EXOC6B: variants seen among roughly 807,000 people sequenced by gnomAD.
EXOC6B encodes the protein exocyst complex component 6B, also known as SEC15 homolog B.
Under a neutral mutation model 113.5 loss-of-function variants are expected in EXOC6B, and 54 were observed. That is an observed-to-expected ratio of 0.48 (90% CI 0.38 to 0.60). The LOEUF (loss-of-function observed/expected upper bound fraction) is 0.60, where lower values mean the gene tolerates loss of function less well. EXOC6B is among the 20% of genes least tolerant of loss of function. The probability of loss-of-function intolerance (pLI) is 0.00; values close to 1 mark genes in which losing one functional copy is unlikely to be tolerated. For missense variants in EXOC6B, 797 were observed against 977.5 expected, an observed-to-expected ratio of 0.82 and a Z score of 2.46; for synonymous variants, 357 against 339.0, an observed-to-expected ratio of 1.05 and a Z score of -0.58.
In EXOC6B at chr2:72,178,048, C is replaced by T. The variant is rs1445403178; in HGVS notation, c.*1287G>A. The T allele has an allele frequency of 6.6e-6, 1 of 152,098 alleles. No individual in the cohort carries two copies. Among genetic ancestry groups the T allele is most frequent in the Non-Finnish European group, 1.5e-5 (1 of 68,028 alleles). 9.4% of individuals were successfully genotyped at this position (152,098 alleles called of 1,614,324 possible). ...GCTCCAGGCTTTAGAGTTTGGAGGA[C>T]AGGATTATAGGCAATCTTTCTTAGA... On this transcript the variant is annotated 3_prime_UTR_variant, in exon 22 of 22. Transcript: ENST00000272427.
At chr2:72,359,926 G>T (rs540594749) in intron 19 of EXOC6B, among the ~76,000 whole-genome samples, 4 of 151,990 alleles carry the variant, frequency 2.6e-5, no homozygotes, top group Non-Finnish European at 4.4e-5. Flanking sequence ...TCTCTTGCTG[G>T]TTCTCTTGCC....
intron 6 of EXOC6B, among the ~76,000 whole-genome samples, chr2:72,688,685 G>C (rs1212540425): frequency 1.3e-5 from 2 of 152,142 alleles, no homozygotes; most frequent in Non-Finnish European, 2.9e-5. Context: ...AGAACTAAAG[G>C]GATATGAACA....
intron 18 of EXOC6B, among the ~76,000 whole-genome samples, chr2:72,409,886 T>C (rs546881336): frequency 2.0e-5 from 3 of 151,946 alleles, no homozygotes; most frequent in African/African-American, 7.2e-5. Context: ...TATATATGTA[T>C]ACCAATAAAA....
intron 6 of EXOC6B, among the ~76,000 whole-genome samples, chr2:72,608,099 T>C (rs1377050947): frequency 6.6e-6 from 1 of 152,060 alleles, no homozygotes; most frequent in Non-Finnish European, 1.5e-5. Context: ...TGCTAATAAA[T>C]AAAAACAGAA....
chr2:72,317,559 TCACACACACACACACA>T (rs72124979), intron 20 of EXOC6B, among the ~76,000 whole-genome samples: 2 of 140,598 alleles, frequency 1.4e-5, no homozygotes, highest in Non-Finnish European at 3.2e-5. Flanking sequence ...TATGAACACA[TCACACACACACACACA>T]CACACACACA....
At chr2:72,229,643 A>G (rs2104460624) in intron 20 of EXOC6B, among the ~76,000 whole-genome samples, 1 of 152,314 alleles carries the variant, frequency 6.6e-6, no homozygotes, top group South Asian at 2.1e-4. Context: ...TTTTCATTCT[A>G]TTATAGTTAT....
At chr2:72,376,012 G>A (rs774974425) in intron 19 of EXOC6B, among the ~76,000 whole-genome samples, 4 of 152,078 alleles carry the variant, frequency 2.6e-5, no homozygotes, top group South Asian at 2.1e-4. Flanking sequence ...GGCCACTTCT[G>A]CCACATTCTG....
chr2:72,521,853 C>T (rs1701505649), intron 8 of EXOC6B, among the ~76,000 whole-genome samples: 1 of 152,054 alleles, frequency 6.6e-6, no homozygotes, highest in Non-Finnish European at 1.5e-5. Context: ...CATGCCACCA[C>T]GCCCGGCTAA....
Position 72,755,245 on chromosome 2 carries a change from G to C in EXOC6B, c.114-13776C>G, listed in dbSNP as rs546017189. Among the ~76,000 whole-genome samples, 19 of 152,266 alleles carry C rather than the reference G, an allele frequency of 1.2e-4. No individual in the cohort carries two copies. In the East Asian group the frequency reaches 3.7e-3, roughly 29 times the overall value. On this transcript the variant is annotated intron_variant, in intron 1 of 21. Coordinates refer to ENST00000272427, the MANE Select transcript of EXOC6B (RefSeq NM_015189.3). ...ACATTAGGATAATGGGCCTAGAAAT[G>C]AATGGGCACCACTACTAATGATATT...
chr2:72,726,735 T>C (rs1680320097), intron 5 of EXOC6B, among the ~76,000 whole-genome samples: 1 of 152,130 alleles, frequency 6.6e-6, no homozygotes, highest in African/African-American at 2.4e-5. Context: ...TTGCATTGTG[T>C]GTGATTTGGT....
intron 2 of EXOC6B, among the ~76,000 whole-genome samples, chr2:72,733,536 C>T (rs1474779513): frequency 6.6e-6 from 1 of 151,992 alleles, no homozygotes; most frequent in Non-Finnish European, 1.5e-5. Context: ...TCAAAGTTTC[C>T]CTGTTTGCTT....
intron 7 of EXOC6B, among the ~76,000 whole-genome samples, chr2:72,562,004 T>C (rs962469475): frequency 2.6e-5 from 4 of 152,166 alleles, no homozygotes; most frequent in Non-Finnish European, 5.9e-5. Context: ...CCTTTACCTC[T>C]ACTCCCAAAA....
At chr2:72,357,622 C>G (rs1032550287) in intron 19 of EXOC6B, among the ~76,000 whole-genome samples, 1 of 151,804 alleles carries the variant, frequency 6.6e-6, no homozygotes, top group Non-Finnish European at 1.5e-5. Flanking sequence ...ACTCAGAAGG[C>G]AGAGGTTGCA....
chr2:72,713,688 A>G (rs538918519), intron 6 of EXOC6B, among the ~76,000 whole-genome samples: 28 of 152,232 alleles, frequency 1.8e-4, no homozygotes, highest in Non-Finnish European at 3.5e-4. Flanking sequence ...ACTAAAAATA[A>G]TAACAAAGTT....
chr2:72,486,145 G>A (rs1005337662), intron 16 of EXOC6B, among the ~76,000 whole-genome samples: 1 of 152,036 alleles, frequency 6.6e-6, no homozygotes, highest in African/African-American at 2.4e-5. Context: ...TGAGGCGGGT[G>A]GATCACCTGA....
At chr2:72,633,228 C>T (rs545943599) in intron 6 of EXOC6B, among the ~76,000 whole-genome samples, 1 of 152,342 alleles carries the variant, frequency 6.6e-6, no homozygotes, top group East Asian at 1.9e-4. Flanking sequence ...TAGAGAAGCA[C>T]ATTCCTGGAG....
At position 72,483,736 on chromosome 2, in the gene EXOC6B, T is replaced by C. The variant is rs116103237; in HGVS notation, c.1666-2986A>G. Among the ~76,000 whole-genome samples, 612 of 152,338 alleles carry C rather than the reference T, an allele frequency of 4.0e-3. 1 individual carries two copies. Among genetic ancestry groups the C allele is most frequent in the African/African-American group, 0.014 (590 of 41,584 alleles). On this transcript the variant is annotated intron_variant, in intron 16 of 21. Transcript: ENST00000272427. ...AGCTACCAAAATCCTTACAAGGGCA[T>C]TTACTAATGTAAAACCAGAGGCTTT... is the stretch of plus-strand genomic sequence containing the variant.
chr2:72,393,949 T>A (rs1200811150), intron 18 of EXOC6B, among the ~76,000 whole-genome samples: 1 of 152,164 alleles, frequency 6.6e-6, no homozygotes, highest in African/African-American at 2.4e-5. Flanking sequence ...AAATTACAGA[T>A]GTGTGGTTTA....
At chr2:72,460,284 G>A (rs1325414674) in intron 18 of EXOC6B, among the ~76,000 whole-genome samples, 1 of 151,530 alleles carries the variant, frequency 6.6e-6, no homozygotes, top group African/African-American at 2.4e-5. Context: ...ACCATTCAAG[G>A]ACACAGGCAT....
Sources: gnomAD v4.1 joint callset for allele counts (sites outside exome capture counted in the v4.1 genomes callset) on GRCh38, gnomAD v4.1.1 for gene constraint, MANE v1.5 for transcripts, NCBI Gene and HGNC (gene_info 2026-07-23, HGNC 2026-07-21) for gene names.